The following RUFY4 variants were observed in gnomAD, a reference collection of about 807,000 sequenced individuals.
RUFY4 encodes the protein RUN and FYVE domain containing 4.
Under a neutral mutation model 69.0 loss-of-function variants are expected in RUFY4, and 73 were observed. The ratio of observed to expected loss-of-function variants is 1.06; its 90% CI spans 0.88 to 1.29. RUFY4 has a LOEUF of 1.29. Among genes scored for constraint, RUFY4 ranks in the 50% most tolerant of loss-of-function variants. The pLI is 0.00. For synonymous variants in RUFY4, 287 were observed against 271.8 expected (o/e 1.06, Z -0.55); for missense variants, 770 against 705.6 (o/e 1.09, Z -1.03).
intron 2 of RUFY4, among the ~76,000 whole-genome samples, chr2:218,048,403 A>G (rs1041144888): frequency 1.3e-5 from 2 of 152,124 alleles, no homozygotes; most frequent in Non-Finnish European, 2.9e-5. Context: ...CACCCTGTTG[A>G]TAGTTTCATT....
upstream of RUFY4, among the ~76,000 whole-genome samples, chr2:218,067,763 A>G (rs796627559): frequency 2.0e-5 from 3 of 152,170 alleles, no homozygotes; most frequent in Middle Eastern, 3.4e-3. Context: ...CGCCTTGATC[A>G]TCCACCTCCA....
intron 2 of RUFY4, among the ~76,000 whole-genome samples, chr2:218,036,977 A>G (rs1010562251): frequency 1.1e-4 from 17 of 152,186 alleles, no homozygotes; most frequent in African/African-American, 3.9e-4. Flanking sequence ...AGAAAATTGG[A>G]TTGGAGGAAT....
chr2:218,076,451 G>T (rs936685104), exon 8 of RUFY4: 16 of 1,549,828 alleles, frequency 1.0e-5, no homozygotes, highest in Non-Finnish European at 1.3e-5. Context: ...GCTCCGGAAG[G>T]CTGAGGAGCA....
At chr2:218,060,128 T>G in intron 3 of RUFY4, 2 of 398,334 alleles carry the variant, frequency 5.0e-6, no homozygotes, top group Non-Finnish European at 4.7e-6. Flanking sequence ...CAGCAAGTGA[T>G]GTAGTAATTA....
chr2:218,043,140 A>G (rs1320835538), intron 2 of RUFY4, among the ~76,000 whole-genome samples: 1 of 152,062 alleles, frequency 6.6e-6, no homozygotes, highest in Non-Finnish European at 1.5e-5. Context: ...CTCTGTAGGC[A>G]GGTTGTCTCA....
intron 2 of RUFY4, among the ~76,000 whole-genome samples, chr2:218,046,671 C>T (rs372523676): frequency 2.6e-5 from 4 of 152,122 alleles, no homozygotes; most frequent in Non-Finnish European, 5.9e-5. Context: ...AAATATGAGA[C>T]GTCTAGGAAT....
In RUFY4 at chr2:218,089,683, A is replaced by G. The variant is rs940800152; in HGVS notation, c.1614-269A>G. On this transcript the variant is annotated intron_variant, in intron 10 of 10. Transcript: ENST00000344321. ...TGCTCCCCCTCCTTCCTCTGTGAGC[A>G]CAGTGCTAGGACCAGCCTTGGGAGA... 2.8e-5 allele frequency: 20 copies of G among 703,116 alleles called. No homozygotes were observed. The African/African-American group carries it at 3.3e-4, about 12-fold the overall frequency. The allele number at this position is 703,116 out of a possible 1,614,324, so 43.6% of individuals were successfully genotyped here.
At chr2:218,074,217 TC>T (rs1689569582) in intron 6 of RUFY4, among the ~76,000 whole-genome samples, 1 of 152,040 alleles carries the variant, frequency 6.6e-6, no homozygotes. Context: ...CTCTGCTGAG[TC>T]CCCTGCACTG....
intron 2 of RUFY4, among the ~76,000 whole-genome samples, chr2:218,036,248 T>C (rs1958975568): frequency 2.6e-5 from 4 of 152,264 alleles, no homozygotes; most frequent in African/African-American, 9.6e-5. Flanking sequence ...GCCTACAAAA[T>C]AGAGCTGGGA....
exon 11 of RUFY4, chr2:218,089,988 G>T: frequency 6.4e-7 from 1 of 1,569,376 alleles, no homozygotes; most frequent in East Asian, 2.4e-5. Context: ...CTTGCTCCAT[G>T]GATTACAAGA....
chr2:218,088,843 G>A (rs11890501), intron 9 of RUFY4, among the ~76,000 whole-genome samples: 134 of 151,282 alleles, frequency 8.9e-4, no homozygotes, highest in African/African-American at 3.2e-3. Context: ...CATTTTCTCT[G>A]TCTCTGTGTC....
intron 2 of RUFY4, among the ~76,000 whole-genome samples, chr2:218,048,748 C>A (rs1399401884): frequency 6.6e-6 from 1 of 151,742 alleles, no homozygotes. Context: ...TAGGATTATG[C>A]CTTTTAAAAA....
chr2:218,066,895 G>A (rs968440773), upstream of RUFY4, among the ~76,000 whole-genome samples: 1 of 152,220 alleles, frequency 6.6e-6, no homozygotes. Flanking sequence ...ACACCACACT[G>A]TCTTGATTAC....
At chr2:218,039,873 C>T (rs1012355525) in intron 2 of RUFY4, among the ~76,000 whole-genome samples, 3 of 152,178 alleles carry the variant, frequency 2.0e-5, no homozygotes, top group African/African-American at 7.2e-5. Flanking sequence ...CCATCAAATC[C>T]CCACCAGACT....
At chr2:218,072,203 C>G (rs1473698376) in intron 2 of RUFY4, among the ~76,000 whole-genome samples, 171 bp from the exon 5 acceptor site, 1 of 152,186 alleles carries the variant, frequency 6.6e-6, no homozygotes, top group Non-Finnish European at 1.5e-5. Flanking sequence ...TCAGGGAGGT[C>G]AAGCCCCTTG....
At chr2:218,049,502 G>GT (rs75402186) in intron 2 of RUFY4, among the ~76,000 whole-genome samples, 73,478 of 150,028 alleles carry the variant, frequency 0.49, 18,713 homozygotes, top group East Asian at 0.78. Context: ...TTTTCTTGCT[G>GT]TTTTAGGTCT....
At chr2:218,051,856 A>G (rs970575293) in intron 2 of RUFY4, among the ~76,000 whole-genome samples, 1 of 152,248 alleles carries the variant, frequency 6.6e-6, no homozygotes, top group Non-Finnish European at 1.5e-5. Context: ...AACAACAACA[A>G]CAAAAACTAC....
At chr2:218,086,785 A>G (rs1403738173) in intron 9 of RUFY4, among the ~76,000 whole-genome samples, 1 of 152,178 alleles carries the variant, frequency 6.6e-6, no homozygotes, top group Non-Finnish European at 1.5e-5. Flanking sequence ...TCCCAAGATG[A>G]CAAGTGGGCA....
At chr2:218,082,648 T>A (rs1254626384) in intron 8 of RUFY4, among the ~76,000 whole-genome samples, 1 of 152,050 alleles carries the variant, frequency 6.6e-6, no homozygotes, top group Admixed American at 6.6e-5. Context: ...ATTGTGTGCA[T>A]GTTGTGTTGT....
Sources: allele counts gnomAD v4.1 joint callset (sites outside exome capture counted in the v4.1 genomes callset), GRCh38; gene constraint gnomAD v4.1.1; transcripts MANE v1.5; gene names NCBI Gene and HGNC (gene_info 2026-07-23, HGNC 2026-07-21).